Variants in PCDHGB4 observed in about 807,000 individuals in gnomAD.
PCDHGB4 encodes the protein protocadherin gamma-B4.
Under a neutral mutation model 60.5 loss-of-function variants are expected in PCDHGB4, and 38 were observed. That is an observed-to-expected ratio of 0.63 (90% confidence interval 0.48 to 0.82). The LOEUF (loss-of-function observed/expected upper bound fraction) is 0.82, where lower values mean the gene tolerates loss of function less well. Among genes scored for constraint, PCDHGB4 ranks in the 40% least tolerant of loss-of-function variants. The pLI, the probability that PCDHGB4 is intolerant of heterozygous loss-of-function variation, is 0.00. For missense variants in PCDHGB4, 1,109 were observed against 1,209.6 expected (o/e 0.92, Z 1.23); for synonymous variants, 456 against 509.7 (o/e 0.89, Z 1.42).
rs373516334 is a variant in PCDHGB4 at position 141,414,175 on chromosome 5, A to G, written c.2397+23894A>G. On this transcript the variant is annotated intron_variant, in intron 1 of 3. Transcript: ENST00000519479. ...AGAAGATGGAGGAGCATATCTTGCA[A>G]CTGCAAAAGTGTTGATTACAGTAGA... 1.6e-5 allele frequency: 25 copies of G among 1,607,698 alleles called. No homozygotes were observed. The highest frequency in any genetic ancestry group is 1.3e-4 in the South Asian group (12 of 90,242).
intron 1 of PCDHGB4, among the ~76,000 whole-genome samples, chr5:141,430,066 G>A (rs550834063): frequency 4.1e-4 from 62 of 152,102 alleles, no homozygotes; most frequent in Non-Finnish European, 8.4e-4. Flanking sequence ...TCATTTTTAG[G>A]TTTCCATAAT....
intron 2 of PCDHGB4, 102 bp from the exon 3 acceptor site, chr5:141,505,291 G>A (rs2154593677): frequency 1.3e-6 from 2 of 1,565,092 alleles, no homozygotes; most frequent in Non-Finnish European, 1.7e-6. Context: ...TGGGCATGGG[G>A]TAGGGTTAGG....
In PCDHGB4 at chr5:141,432,255, C is replaced by T. The variant is rs1561859576; in HGVS notation, c.2397+41974C>T. The T allele has an allele frequency of 6.2e-7, 1 of 1,614,246 alleles. No individual in the cohort carries two copies. The highest frequency in any genetic ancestry group is 8.5e-7 in the Non-Finnish European group (1 of 1,180,048). On this transcript the variant is annotated intron_variant, in intron 1 of 3. Transcript: ENST00000519479. This position sits in a 1 kb window ranked among gnomAD's most constrained non-coding sequence, Gnocchi z 6.0. The stretch of plus-strand genomic sequence containing the variant: ...CTGGCTGAGAACACCATCCAAGGGG[C>T]AAGCCTATCGTCCTACGTGTCCATC...
At chr5:141,404,110 C>G (rs1283800962) in intron 1 of PCDHGB4, 1 of 1,613,336 alleles carries the variant, frequency 6.2e-7, no homozygotes, top group South Asian at 1.1e-5. Context: ...TCTGTTCTAT[C>G]CAGGAGAATC....
intron 1 of PCDHGB4, among the ~76,000 whole-genome samples, chr5:141,456,707 G>A (rs1198079338): frequency 6.6e-6 from 1 of 152,208 alleles, no homozygotes; most frequent in African/African-American, 2.4e-5. Context: ...GCTCGCGCCT[G>A]TAATCCCAGC....
chr5:141,455,738 A>G (rs896060095), intron 1 of PCDHGB4, among the ~76,000 whole-genome samples: 2 of 152,140 alleles, frequency 1.3e-5, no homozygotes, highest in Non-Finnish European at 2.9e-5. Flanking sequence ...TTGCATATCA[A>G]AGGTTGCTGG....
At chr5:141,423,749 T>TTG (rs1249843775) in intron 1 of PCDHGB4, 127 of 272,264 alleles carry the variant, frequency 4.7e-4, no homozygotes, top group South Asian at 6.4e-4. Context: ...TGAAAACTGT[T>TTG]TGGGGGGGGG....
At chr5:141,472,408 G>T (rs780468341) in intron 1 of PCDHGB4, among the ~76,000 whole-genome samples, 1 of 152,064 alleles carries the variant, frequency 6.6e-6, no homozygotes, top group Non-Finnish European at 1.5e-5. Flanking sequence ...AGGCGTGGTG[G>T]CACGCACCTG....
rs1054594374 is a variant in PCDHGB4 at position 141,489,607 on chromosome 5, A to G, written c.2398-5200A>G. On this transcript the variant is annotated intron_variant, in intron 1 of 3. Coordinates refer to ENST00000519479, the MANE Select transcript of PCDHGB4 (RefSeq NM_003736.4). This position sits in a 1 kb window ranked among gnomAD's most constrained non-coding sequence, Gnocchi z 4.5. ...GGAGCTAATCCGTGTAGAGGTAGAG[A>G]TCCTGGATCTCAATGACAACTCTCC... The G allele has an allele frequency of 6.2e-6, 10 of 1,613,850 alleles. No homozygotes were observed. The highest frequency in any genetic ancestry group is 8.5e-6 in the Non-Finnish European group (10 of 1,179,956).
At chr5:141,449,021 C>T (rs897401758) in intron 1 of PCDHGB4, among the ~76,000 whole-genome samples, 3 of 152,104 alleles carry the variant, frequency 2.0e-5, no homozygotes, top group Non-Finnish European at 4.4e-5. Context: ...AGTTGCTTAG[C>T]ATTCCTTTGG....
At chr5:141,392,899 G>A in intron 1 of PCDHGB4, 1 of 1,613,820 alleles carries the variant, frequency 6.2e-7, no homozygotes, top group Admixed American at 1.7e-5. Flanking sequence ...ATCGGGAGGG[G>A]ACAGATTCGC....
chr5:141,428,073 G>A (rs2097106496), intron 1 of PCDHGB4: 1 of 1,609,082 alleles, frequency 6.2e-7, no homozygotes, highest in Admixed American at 1.7e-5. Flanking sequence ...CGCAGATTCG[G>A]GACACAACGC....
At chr5:141,423,042 G>A in intron 1 of PCDHGB4, 1 of 1,614,220 alleles carries the variant, frequency 6.2e-7, no homozygotes, top group Non-Finnish European at 8.5e-7. Context: ...ACGCCTGGCT[G>A]TCCTATCGCC....
intron 1 of PCDHGB4, among the ~76,000 whole-genome samples, chr5:141,474,703 C>G (rs2099353282): frequency 6.6e-6 from 1 of 152,188 alleles, no homozygotes; most frequent in Admixed American, 6.5e-5. Flanking sequence ...GTTCAAGGTT[C>G]TATTATACTT....
chr5:141,494,316 G>T (rs2099753509), intron 1 of PCDHGB4, among the ~76,000 whole-genome samples: 1 of 152,172 alleles, frequency 6.6e-6, no homozygotes, highest in Admixed American at 6.5e-5. Flanking sequence ...TGCACAACCT[G>T]GCACCAAAAG....
In PCDHGB4 at chr5:141,432,460, C is replaced by T; in HGVS notation, c.2397+42179C>T. The T allele has an allele frequency of 6.2e-7, 1 of 1,614,208 alleles. No homozygotes were observed. The highest frequency in any genetic ancestry group is 8.5e-7 in the Non-Finnish European group (1 of 1,180,044). On this transcript the variant is annotated intron_variant, in intron 1 of 3. Transcript: ENST00000519479. This position sits in a 1 kb window ranked among gnomAD's most constrained non-coding sequence, Gnocchi z 6.0. ...CGCCCGAGATCCTGTACCCCGCCCTCCCCACGGACGGTTCCACTGGCGTGG... is the reference window on the plus strand; with the variant it reads ...CGCCCGAGATCCTGTACCCCGCCCTTCCCACGGACGGTTCCACTGGCGTGG...
chr5:141,427,361 A>ACC (rs781206288), intron 1 of PCDHGB4: 1 of 457,772 alleles, frequency 2.2e-6, no homozygotes, highest in South Asian at 1.5e-5. Context: ...AGGACGCAGA[A>ACC]CCCTGGACGG....
Position 141,491,717 on chromosome 5 carries a change from C to A in PCDHGB4, c.2398-3090C>A. ...CGGAGCCAGGTGAGGGGCTCGGCGC[C>A]GCCCCGGGCGACCCCTGGGGGCGGC... On this transcript the variant is annotated intron_variant, in intron 1 of 3. Coordinates refer to ENST00000519479, the MANE Select transcript of PCDHGB4 (RefSeq NM_003736.4). The surrounding 1 kb of genome is among the most constrained non-coding windows in gnomAD (Gnocchi z 6.9). 1 of 1,607,940 alleles carries A rather than the reference C, an allele frequency of 6.2e-7. No individual in the cohort carries two copies. Among genetic ancestry groups the A allele is most frequent in the Middle Eastern group, 1.7e-4 (1 of 6,010 alleles).
chr5:141,403,613 C>T lies in PCDHGB4; in HGVS notation c.2397+13332C>T, dbSNP rs769394271. On this transcript the variant is annotated intron_variant, in intron 1 of 3. Transcript: ENST00000519479. ...CACGGCCTCGGATGGCGGCGAGCCG[C>T]GTCGCTCCAGCACAGTGCGCATCCA... The T allele has an allele frequency of 3.5e-5, 56 of 1,613,778 alleles. No homozygotes were observed. Among genetic ancestry groups the T allele is most frequent in the Non-Finnish European group, 4.7e-5 (55 of 1,179,908 alleles).
Sources: allele counts gnomAD v4.1 joint callset (sites outside exome capture counted in the v4.1 genomes callset), GRCh38; gene constraint gnomAD v4.1.1; non-coding constraint Gnocchi (gnomAD v3.1); transcripts MANE v1.5; gene names NCBI Gene and HGNC (gene_info 2026-07-23, HGNC 2026-07-21).